The following EPHA5 variants were observed in gnomAD, a reference collection of about 807,000 sequenced individuals.
The protein encoded by EPHA5 is ephrin type-A receptor 5.
Under a neutral mutation model 105.0 loss-of-function variants are expected in EPHA5, and 60 were observed. The ratio of observed to expected loss-of-function variants is 0.57; its 90% CI spans 0.46 to 0.71. The LOEUF (loss-of-function observed/expected upper bound fraction) is 0.71. Ranked by LOEUF, EPHA5 falls within the 30% of genes least tolerant of loss-of-function variation. EPHA5 has a pLI of 0.00. For missense variants in EPHA5, 1,218 were observed against 1,274.7 expected, an observed-to-expected ratio of 0.96 and a Z score of 0.68; for synonymous variants, 513 against 449.1, an observed-to-expected ratio of 1.14 and a Z score of -1.80.
intron 3 of EPHA5, 52 bp downstream of exon 3, chr4:65,601,589 C>T (rs2149436340): frequency 6.5e-7 from 1 of 1,532,894 alleles, no homozygotes; most frequent in South Asian, 1.2e-5. Flanking sequence ...AATACATATA[C>T]ATGATCCAAC....
At chr4:65,333,798 T>C (rs1008453234) in intron 15 of EPHA5, among the ~76,000 whole-genome samples, 13 of 151,624 alleles carry the variant, frequency 8.6e-5, no homozygotes, top group Non-Finnish European at 1.3e-4. Context: ...CATATGCCTA[T>C]TTTGTACCTC....
At chr4:65,610,504 C>T (rs1436216153) in intron 2 of EPHA5, among the ~76,000 whole-genome samples, 6 of 150,278 alleles carry the variant, frequency 4.0e-5, no homozygotes, top group Admixed American at 1.3e-4. Context: ...GCACATGTGC[C>T]CCGAGAACCT....
chr4:65,336,624 G>T (rs1721211667), intron 14 of EPHA5, among the ~76,000 whole-genome samples: 1 of 152,054 alleles, frequency 6.6e-6, no homozygotes, highest in South Asian at 2.1e-4. Context: ...GGCTAAATTA[G>T]CATAACTGTC....
intron 3 of EPHA5, among the ~76,000 whole-genome samples, chr4:65,582,019 G>A (rs1560730914): frequency 6.6e-6 from 1 of 151,644 alleles, no homozygotes; most frequent in Non-Finnish European, 1.5e-5. Context: ...TGGTTTGCTT[G>A]TTTTGCTGTA....
At position 65,322,851 on chromosome 4, in the gene EPHA5, T is replaced by C. The variant is rs1487466943; in HGVS notation, c.*1263A>G. On this transcript the variant is annotated 3_prime_UTR_variant, in exon 17 of 17. Coordinates refer to ENST00000613740, the MANE Select transcript of EPHA5 (RefSeq NM_001281766.3). ...ATTTGTGTGTGTGTATGTGTATATA[T>C]ATATATTTGTCATAATTCCATTGCT... is the stretch of plus-strand genomic sequence containing the variant. 4.4e-6 allele frequency: 1 copy of C among 228,946 alleles called. No homozygotes were observed. The highest frequency in any genetic ancestry group is 2.2e-5 in the African/African-American group (1 of 45,048). The allele number at this position is 228,946 out of a possible 1,614,324, so 14.2% of individuals were successfully genotyped here.
intron 2 of EPHA5, among the ~76,000 whole-genome samples, chr4:65,605,969 AC>A (rs1047255982): frequency 2.0e-5 from 3 of 152,058 alleles, no homozygotes; most frequent in African/African-American, 7.2e-5. Flanking sequence ...TGAAGACCAG[AC>A]CAAAAAAAAA....
At chr4:65,596,305 GA>G (rs1056346134) in intron 3 of EPHA5, among the ~76,000 whole-genome samples, 12 of 152,100 alleles carry the variant, frequency 7.9e-5, no homozygotes, top group Non-Finnish European at 1.2e-4. Flanking sequence ...TTTTGACTGT[GA>G]AAATGGGGAG....
chr4:65,618,772 T>C (rs1470141414), intron 2 of EPHA5, among the ~76,000 whole-genome samples: 1 of 152,168 alleles, frequency 6.6e-6, no homozygotes, highest in Non-Finnish European at 1.5e-5. Flanking sequence ...ATTGGAGACA[T>C]TCCATTCATA....
At chr4:65,474,885 A>G (rs374994062) in intron 5 of EPHA5, among the ~76,000 whole-genome samples, 5 of 152,200 alleles carry the variant, frequency 3.3e-5, no homozygotes, top group East Asian at 1.9e-4. Context: ...TTATGCTGGC[A>G]TTGAGACTCC....
chr4:65,476,159 T>TGTGTGTGTGTGTG (rs1729796837), intron 5 of EPHA5, among the ~76,000 whole-genome samples: 2 of 150,378 alleles, frequency 1.3e-5, no homozygotes, highest in Admixed American at 6.7e-5. Flanking sequence ...TGTGTGTGTG[T>TGTGTGTGTGTGTG]TAAAATATGC....
intron 2 of EPHA5, among the ~76,000 whole-genome samples, chr4:65,629,556 G>A (rs575956040): frequency 5.9e-5 from 9 of 152,180 alleles, no homozygotes; most frequent in South Asian, 4.1e-4. Flanking sequence ...CTGTAACAAC[G>A]CATTTTTCTC....
chr4:65,479,029 T>A (rs1730102289), intron 5 of EPHA5, among the ~76,000 whole-genome samples: 1 of 152,170 alleles, frequency 6.6e-6, no homozygotes, highest in Non-Finnish European at 1.5e-5. Context: ...TACCAATGAG[T>A]CTGTCTATAT....
chr4:65,614,967 A>G (rs1420794997), intron 2 of EPHA5, among the ~76,000 whole-genome samples: 2 of 152,010 alleles, frequency 1.3e-5, no homozygotes, highest in East Asian at 3.9e-4. Flanking sequence ...AAGAGTTAAT[A>G]GTAATTGTTA....
At chr4:65,379,602 A>T (rs1458955674) in intron 8 of EPHA5, among the ~76,000 whole-genome samples, 1 of 151,720 alleles carries the variant, frequency 6.6e-6, no homozygotes, top group Non-Finnish European at 1.5e-5. Flanking sequence ...TGTCTGGCAT[A>T]TCAAGTATTT....
chr4:65,338,764 T>C (rs1210459188), intron 14 of EPHA5, among the ~76,000 whole-genome samples: 1 of 152,144 alleles, frequency 6.6e-6, no homozygotes, highest in East Asian at 1.9e-4. Flanking sequence ...TCCTTTTTTT[T>C]CCATTTCTAA....
intron 5 of EPHA5, among the ~76,000 whole-genome samples, chr4:65,444,066 G>A (rs1348952807): frequency 6.6e-6 from 1 of 152,120 alleles, no homozygotes; most frequent in Non-Finnish European, 1.5e-5. Context: ...CTGATATAGT[G>A]GACCTGTGTA....
chr4:65,536,288 A>T (rs547090021), intron 3 of EPHA5, among the ~76,000 whole-genome samples: 1 of 151,970 alleles, frequency 6.6e-6, no homozygotes, highest in Middle Eastern at 3.4e-3. Flanking sequence ...CAGTTCATTA[A>T]CCTTCCTTCA....
intron 6 of EPHA5, among the ~76,000 whole-genome samples, 182 bp from the exon 7 acceptor site, chr4:65,414,625 C>G (rs1257248041): frequency 6.6e-6 from 1 of 152,142 alleles, no homozygotes; most frequent in African/African-American, 2.4e-5. Flanking sequence ...ATATTAAAGT[C>G]TTTTCTAGAA....
chr4:65,667,338 A>T (rs930197050), intron 1 of EPHA5, among the ~76,000 whole-genome samples: 1 of 152,208 alleles, frequency 6.6e-6, no homozygotes, highest in Non-Finnish European at 1.5e-5. Context: ...CTCAGCTGAG[A>T]TAGGATGAAT....
Sources: gnomAD v4.1 joint callset for allele counts (sites outside exome capture counted in the v4.1 genomes callset) on GRCh38, gnomAD v4.1.1 for gene constraint, MANE v1.5 for transcripts, NCBI Gene and HGNC (gene_info 2026-07-23, HGNC 2026-07-21) for gene names.